BCKDHB: variants seen among roughly 807,000 people sequenced by gnomAD.
BCKDHB encodes the protein branched chain keto acid dehydrogenase E1 subunit beta.
In BCKDHB, 41 loss-of-function variants were observed where a neutral mutation model predicts 48.5. That is an observed-to-expected ratio of 0.85 (90% confidence interval 0.66 to 1.10). The LOEUF is 1.10. Ranked by LOEUF, BCKDHB falls within the 50% of genes least tolerant of loss-of-function variation. The probability of loss-of-function intolerance (pLI) is 0.00; values close to 1 mark genes in which losing one functional copy is unlikely to be tolerated. For synonymous variants in BCKDHB, 201 were observed against 174.8 expected (o/e 1.15, Z -1.18); for missense variants, 496 against 494.2 (o/e 1.00, Z -0.03).
At chr6:80,328,601 C>T (rs1229823694) in intron 9 of BCKDHB, among the ~76,000 whole-genome samples, 2 of 152,172 alleles carry the variant, frequency 1.3e-5, no homozygotes, top group Non-Finnish European at 2.9e-5. Context: ...TCAGAAATCT[C>T]ATAAATCGGA....
the BCKDHB span, among the ~76,000 whole-genome samples, chr6:80,417,768 T>C: frequency 2.0e-5 from 3 of 152,176 alleles, no homozygotes; most frequent in African/African-American, 7.2e-5. Flanking sequence ...CTTTAACATT[T>C]TTTTCTTTAT....
intron 6 of BCKDHB, among the ~76,000 whole-genome samples, chr6:80,191,999 G>C (rs527767142): frequency 2.6e-5 from 4 of 152,338 alleles, no homozygotes; most frequent in South Asian, 2.1e-4. Flanking sequence ...ATGTCAAAGA[G>C]TGAGGGAGAA....
rs55737130 is a variant in BCKDHB, at chr6:80,200,063, CAAAAAAAAAAAAA to C, written c.743-857_743-845del. On this transcript the variant is annotated intron_variant, in intron 6 of 9. Coordinates refer to ENST00000320393, the MANE Select transcript of BCKDHB (RefSeq NM_183050.4). Reference sequence around the variant, plus strand: ...TGGGTGACAGAGTGAGACCCTGTCTCAAAAAAAAAAAAAAAAAAAAAAAAAAGAACTAAAGAAG... The same window carrying C: ...TGGGTGACAGAGTGAGACCCTGTCTCAAAAAAAAAAAAAGAACTAAAGAAG... Among the ~76,000 whole-genome samples the C allele has an allele frequency of 1.5e-4, 5 of 32,776 alleles. No homozygotes were observed. The South Asian group carries it at 5.5e-3, about 36-fold the overall frequency. The allele number at this position is 32,776 out of a possible 152,430, so 21.5% of individuals were successfully genotyped here.
chr6:80,404,959 G>A, the BCKDHB span, among the ~76,000 whole-genome samples: 84 of 152,180 alleles, frequency 5.5e-4, 1 homozygote, highest in African/African-American at 1.8e-3. Flanking sequence ...GTGGCCTGCC[G>A]TATGATCTAT....
At chr6:80,342,265 A>C (rs1257256543) in intron 9 of BCKDHB, among the ~76,000 whole-genome samples, 3 of 152,182 alleles carry the variant, frequency 2.0e-5, no homozygotes, top group African/African-American at 4.8e-5. Context: ...TGTAAAAAAA[A>C]CTGGACCTCC....
At chr6:80,137,047 G>A (rs1027926111) in intron 3 of BCKDHB, among the ~76,000 whole-genome samples, 3 of 152,106 alleles carry the variant, frequency 2.0e-5, no homozygotes, top group African/African-American at 4.8e-5. Context: ...AAAACAGTAC[G>A]GTAGTTCCTC....
At chr6:80,109,735 A>G (rs1384683824) in intron 1 of BCKDHB, among the ~76,000 whole-genome samples, 1 of 152,220 alleles carries the variant, frequency 6.6e-6, no homozygotes, top group Non-Finnish European at 1.5e-5. Context: ...TATTTTTCCT[A>G]TCAATACTAT....
chr6:80,367,815 G>GCC, the BCKDHB span, among the ~76,000 whole-genome samples: 3 of 66,366 alleles, frequency 4.5e-5, no homozygotes, highest in African/African-American at 1.4e-4. Context: ...TCATATGTGA[G>GCC]TGGGAAGGCC....
intron 9 of BCKDHB, among the ~76,000 whole-genome samples, chr6:80,328,993 TA>T (rs1333297708): frequency 4.6e-5 from 7 of 152,134 alleles, no homozygotes; most frequent in African/African-American, 1.2e-4. Flanking sequence ...CATAATCATT[TA>T]AAAAATACTG....
At chr6:80,193,067 C>T (rs1773972399) in intron 6 of BCKDHB, among the ~76,000 whole-genome samples, 1 of 152,032 alleles carries the variant, frequency 6.6e-6, no homozygotes, top group Non-Finnish European at 1.5e-5. Context: ...GGTGATCTGC[C>T]CATCTCGGTC....
At chr6:80,110,353 A>G (rs923291903) in intron 1 of BCKDHB, among the ~76,000 whole-genome samples, 4 of 152,178 alleles carry the variant, frequency 2.6e-5, no homozygotes, top group Admixed American at 1.3e-4. Flanking sequence ...TTCGTTTTGG[A>G]CACTTGGTAT....
Position 80,273,152 on chromosome 6 carries a change from G to C in BCKDHB, c.969G>C (p.Gly323=), listed in dbSNP as rs764707388. The C allele has an allele frequency of 1.9e-6, 3 of 1,613,326 alleles. No homozygotes were observed. The East Asian group carries it at 6.7e-5, about 36-fold the overall frequency. ...TCTTTCAGTCTGTGATCAAAACAGG[G>C]CGACTGCTAATCAGTCACGAGGCTC... ...DTICKSVIKT[G]RLLISHEAPL... is the part of the protein sequence containing the mutation. The change falls in exon 9 of 10, where the codon GGG becomes GGC. Residue 323 remains glycine, a synonymous_variant. Coordinates refer to ENST00000320393, the MANE Select transcript of BCKDHB (RefSeq NM_183050.4).
At chr6:80,169,411 C>T (rs542944016) in intron 5 of BCKDHB, among the ~76,000 whole-genome samples, 2 of 152,212 alleles carry the variant, frequency 1.3e-5, no homozygotes, top group East Asian at 3.9e-4. Flanking sequence ...TTTGTTTAGT[C>T]TGTATTTACC....
intron 3 of BCKDHB, among the ~76,000 whole-genome samples, chr6:80,143,698 T>C (rs1217321668): frequency 6.6e-6 from 1 of 152,172 alleles, no homozygotes; most frequent in Non-Finnish European, 1.5e-5. Flanking sequence ...GTTTTCAGTT[T>C]CCTGGTGAGC....
In BCKDHB at chr6:80,203,239, C is replaced by A. The variant is rs1287699661; in HGVS notation, c.951+27C>A. The A allele has an allele frequency of 2.0e-6, 3 of 1,484,226 alleles. No individual in the cohort carries two copies. The South Asian group carries it at 3.4e-5, about 17-fold the overall frequency. The allele number at this position is 1,484,226 out of a possible 1,614,324, so 91.9% of individuals were successfully genotyped here. On this transcript the variant is annotated intron_variant, in intron 8 of 9. Transcript: ENST00000320393. ...TATGAATATAATGGTGATAGAATGT[C>A]ATTTCCCTGAAACCTTTGGCCAAAT...
the BCKDHB span, among the ~76,000 whole-genome samples, chr6:80,373,625 C>T: frequency 6.6e-6 from 1 of 152,080 alleles, no homozygotes; most frequent in Non-Finnish European, 1.5e-5. Context: ...AATAGTATTG[C>T]ATTGCTGTCT....
intron 9 of BCKDHB, among the ~76,000 whole-genome samples, chr6:80,288,958 G>C (rs1262175117): frequency 6.6e-6 from 1 of 152,054 alleles, no homozygotes; most frequent in East Asian, 1.9e-4. Flanking sequence ...GGTTAAGTGA[G>C]CATTTTGTTT....
At chr6:80,307,893 A>G (rs986689212) in intron 9 of BCKDHB, 78 of 973,208 alleles carry the variant, frequency 8.0e-5, no homozygotes, top group Non-Finnish European at 9.5e-5. Context: ...AATTAAAAAC[A>G]TAAAAATTAT....
intron 1 of BCKDHB, among the ~76,000 whole-genome samples, chr6:80,125,172 G>A (rs1416402830): frequency 2.6e-5 from 4 of 152,078 alleles, no homozygotes; most frequent in East Asian, 1.9e-4. Context: ...TCACTTTGCC[G>A]TTTTATGTAC....
Sources: allele counts gnomAD v4.1 joint callset (sites outside exome capture counted in the v4.1 genomes callset), GRCh38; gene constraint gnomAD v4.1.1; transcripts MANE v1.5; gene names NCBI Gene and HGNC (gene_info 2026-07-23, HGNC 2026-07-21).